The following PSIP1 variants were observed in gnomAD, a reference collection of about 807,000 sequenced individuals.
The protein encoded by PSIP1 is PC4 and SFRS1-interacting protein.
PSIP1 carries 19 observed loss-of-function variants against 74.7 expected under a neutral mutation model. That is an observed-to-expected ratio of 0.25 (90% CI 0.18 to 0.37). The LOEUF (loss-of-function observed/expected upper bound fraction) is 0.37, where lower values mean the gene tolerates loss of function less well. Among genes scored for constraint, PSIP1 ranks in the 10% least tolerant of loss-of-function variants. The pLI, the probability that PSIP1 is intolerant of heterozygous loss-of-function variation, is 1.00. For synonymous variants in PSIP1, 222 were observed against 195.3 expected, an observed-to-expected ratio of 1.14 and a Z score of -1.14; for missense variants, 601 against 614.3, an observed-to-expected ratio of 0.98 and a Z score of 0.23.
chr9:15,465,921 C>G, intron 15 of PSIP1: 1 of 205,218 alleles, frequency 4.9e-6, no homozygotes, highest in South Asian at 1.4e-4. Flanking sequence ...CAACATATTT[C>G]AAAATCTTAA....
intron 15 of PSIP1, 62 bp from the exon 16 acceptor site, chr9:15,465,642 G>A: frequency 7.5e-7 from 1 of 1,341,886 alleles, no homozygotes. Context: ...AGGAAAAAAA[G>A]ACATTAAGTC....
chr9:15,496,551 T>C (rs2037083913), intron 3 of PSIP1, among the ~76,000 whole-genome samples: 1 of 152,208 alleles, frequency 6.6e-6, no homozygotes, highest in African/African-American at 2.4e-5. Flanking sequence ...ATTTTACGTG[T>C]ACCTTTTCAC....
chr9:15,501,855 A>ATATT (rs2037361517), intron 3 of PSIP1, among the ~76,000 whole-genome samples: 1 of 147,312 alleles, frequency 6.8e-6, no homozygotes, highest in African/African-American at 2.6e-5. Context: ...ATATATATAT[A>ATATT]TATATATATA....
At chr9:15,488,106 G>T (rs2036634521) in intron 4 of PSIP1, among the ~76,000 whole-genome samples, 1 of 151,894 alleles carries the variant, frequency 6.6e-6, no homozygotes, top group African/African-American at 2.4e-5. Flanking sequence ...TGAGGTGGGT[G>T]GATCACGAGG....
chr9:15,465,666 T>G, intron 15 of PSIP1, 86 bp from the exon 16 acceptor site: 4 of 1,164,908 alleles, frequency 3.4e-6, no homozygotes, highest in Non-Finnish European at 4.9e-6. Flanking sequence ...ATTATATTTT[T>G]AAACCCATGA....
At chr9:15,466,696 A>G in intron 15 of PSIP1, 52 bp downstream of exon 15, 8 of 1,368,072 alleles carry the variant, frequency 5.8e-6, no homozygotes, top group Non-Finnish European at 8.1e-6. Context: ...AACTGTGATT[A>G]AAAACCTGAA....
At chr9:15,488,665 T>G (rs2036666326) in intron 4 of PSIP1, among the ~76,000 whole-genome samples, 1 of 152,138 alleles carries the variant, frequency 6.6e-6, no homozygotes, top group South Asian at 2.1e-4. Context: ...GGTGGGCAGA[T>G]CACAAGGTCA....
rs531787537 is a variant in PSIP1 at position 15,465,617 on chromosome 9, A to G, written c.1533-37T>C. ...GGGGAAAGGTACAACTGGAATTAGG[A>G]TTTTCTCCTGATGAAGGAAAAAAAG... On this transcript the variant is annotated intron_variant, in intron 15 of 15. Coordinates refer to ENST00000380733, the MANE Select transcript of PSIP1 (RefSeq NM_033222.5). The G allele has an allele frequency of 2.1e-4, 308 of 1,488,714 alleles. 4 individuals carry two copies. The South Asian group carries it at 2.7e-3, about 13-fold the overall frequency. 92.2% of individuals were successfully genotyped at this position (1,488,714 alleles called of 1,614,324 possible).
At chr9:15,487,529 G>C (rs1274644751) in intron 4 of PSIP1, among the ~76,000 whole-genome samples, 2 of 152,104 alleles carry the variant, frequency 1.3e-5, no homozygotes, top group African/African-American at 4.8e-5. Context: ...CCAGGAGGCA[G>C]AGGTTGCAGC....
intron 3 of PSIP1, chr9:15,506,033 C>CTA (rs1159097629): frequency 6.6e-6 from 1 of 152,232 alleles, no homozygotes; most frequent in Non-Finnish European, 1.5e-5. Flanking sequence ...TTGGCAGTAA[C>CTA]ATACGTCAAC....
At chr9:15,507,257 T>C (rs1316795815) in intron 2 of PSIP1, among the ~76,000 whole-genome samples, 1 of 152,334 alleles carries the variant, frequency 6.6e-6, no homozygotes, top group South Asian at 2.1e-4. Flanking sequence ...AATCATCAGG[T>C]GCTGTCACGT....
intron 3 of PSIP1, among the ~76,000 whole-genome samples, chr9:15,495,065 A>C (rs1217294906): frequency 6.6e-6 from 1 of 152,154 alleles, no homozygotes; most frequent in African/African-American, 2.4e-5. Context: ...CAAAAATAAA[A>C]TTTGGAAGCT....
intron 14 of PSIP1, 152 bp downstream of exon 14, chr9:15,468,475 CCTT>C (rs769407797): frequency 2.5e-5 from 21 of 843,312 alleles, no homozygotes; most frequent in East Asian, 9.7e-5. Flanking sequence ...CTGCTCTAGT[CCTT>C]CAATAGGCCC....
At chr9:15,497,140 T>G (rs1027176075) in intron 3 of PSIP1, among the ~76,000 whole-genome samples, 5 of 152,072 alleles carry the variant, frequency 3.3e-5, no homozygotes, top group Non-Finnish European at 7.4e-5. Flanking sequence ...AAGCCAAAAG[T>G]AAAAATAACT....
intron 10 of PSIP1, among the ~76,000 whole-genome samples, chr9:15,470,302 A>T (rs771288090): frequency 6.6e-6 from 1 of 152,156 alleles, no homozygotes; most frequent in Non-Finnish European, 1.5e-5. Context: ...TAAATGTTTA[A>T]TGGCTTCTAC....
Position 15,496,402 on chromosome 9 carries a change from T to C in PSIP1, c.150-6278A>G, listed in dbSNP as rs768420854. Among the ~76,000 whole-genome samples, 121 of 152,358 alleles carry C rather than the reference T, an allele frequency of 7.9e-4. 1 individual carries two copies. Among genetic ancestry groups the C allele is most frequent in the Non-Finnish European group, 6.6e-4 (45 of 68,018 alleles). Reference sequence around the variant, plus strand: ...CTGCTTTCTTTGTGACATTGTATCATTGCTTGCTCTTGTTTTGTTTGAGCT... The same window carrying C: ...CTGCTTTCTTTGTGACATTGTATCACTGCTTGCTCTTGTTTTGTTTGAGCT... On this transcript the variant is annotated intron_variant, in intron 3 of 15. Coordinates refer to ENST00000380733, the MANE Select transcript of PSIP1 (RefSeq NM_033222.5).
chr9:15,490,236 C>G (rs2036761583), intron 3 of PSIP1, 112 bp from the exon 4 acceptor site: 1 of 1,011,994 alleles, frequency 9.9e-7, no homozygotes, highest in South Asian at 2.2e-5. Context: ...AACTGCATTA[C>G]AAATCTTAAA....
At chr9:15,475,821 C>T (rs2036050798) in intron 8 of PSIP1, among the ~76,000 whole-genome samples, 1 of 152,174 alleles carries the variant, frequency 6.6e-6, no homozygotes, top group South Asian at 2.1e-4. Flanking sequence ...CTTGTGACAA[C>T]TTCCCTTTTT....
At chr9:15,490,316 A>G (rs145405553) in intron 3 of PSIP1, among the ~76,000 whole-genome samples, 192 bp from the exon 4 acceptor site, 4 of 152,228 alleles carry the variant, frequency 2.6e-5, no homozygotes, top group Admixed American at 6.5e-5. Flanking sequence ...ATTTAAATCC[A>G]TAATCCTATT....
Sources: gnomAD v4.1 joint callset for allele counts (sites outside exome capture counted in the v4.1 genomes callset) on GRCh38, gnomAD v4.1.1 for gene constraint, MANE v1.5 for transcripts, NCBI Gene and HGNC (gene_info 2026-07-23, HGNC 2026-07-21) for gene names.